The following GRID2 variants were observed in gnomAD, a reference collection of about 807,000 sequenced individuals.
GRID2 encodes the protein glutamate receptor ionotropic, delta-2.
GRID2 carries 33 observed loss-of-function variants against 114.8 expected under a neutral mutation model. The ratio of observed to expected loss-of-function variants is 0.29; its 90% CI spans 0.22 to 0.38. GRID2 has a LOEUF of 0.38. Ranked by LOEUF, GRID2 falls within the 10% of genes least tolerant of loss-of-function variation. The pLI, the probability that GRID2 is intolerant of heterozygous loss-of-function variation, is 1.00. For missense variants in GRID2, 1,184 were observed against 1,257.7 expected, an observed-to-expected ratio of 0.94 and a Z score of 0.89; for synonymous variants, 505 against 449.9, an observed-to-expected ratio of 1.12 and a Z score of -1.55.
At chr4:92,630,312 C>T (rs1730740700) in intron 2 of GRID2, among the ~76,000 whole-genome samples, 3 of 152,100 alleles carry the variant, frequency 2.0e-5, no homozygotes, top group South Asian at 2.1e-4. Flanking sequence ...TTCTGTGTTG[C>T]ACATATAATG....
chr4:92,528,083 T>C (rs1725131990), intron 1 of GRID2, among the ~76,000 whole-genome samples: 1 of 152,020 alleles, frequency 6.6e-6, no homozygotes, highest in Non-Finnish European at 1.5e-5. Flanking sequence ...TGGCCTTTTC[T>C]GGTAAGTTAG....
chr4:92,616,201 G>T (rs538495994), intron 2 of GRID2, among the ~76,000 whole-genome samples: 153 of 151,586 alleles, frequency 1.0e-3, no homozygotes, highest in Admixed American at 2.1e-3. Flanking sequence ...TTAAAATGTG[G>T]TAATATTGTG....
At chr4:93,712,044 A>G (rs1438768376) in intron 14 of GRID2, among the ~76,000 whole-genome samples, 1 of 151,904 alleles carries the variant, frequency 6.6e-6, no homozygotes, top group Non-Finnish European at 1.5e-5. Flanking sequence ...TAGGGATAAG[A>G]TTCCTTTGTT....
In GRID2 at chr4:92,699,512, T is replaced by C. The variant is rs75001978; in HGVS notation, c.244+109226T>C. On this transcript the variant is annotated intron_variant, in intron 2 of 15. Coordinates refer to ENST00000282020, the MANE Select transcript of GRID2 (RefSeq NM_001510.4). ...GAAAAATAGGACAGAGTAATGATCA[T>C]TAAATGGCAGATATTTCTCAAAGGG... Among the ~76,000 whole-genome samples, 678 of 152,298 alleles carry C rather than the reference T, an allele frequency of 4.5e-3. 22 individuals carry two copies. In the East Asian group the frequency reaches 0.072, roughly 16 times the overall value.
intron 4 of GRID2, among the ~76,000 whole-genome samples, chr4:93,156,297 G>A (rs1045100521): frequency 1.3e-5 from 2 of 151,756 alleles, no homozygotes; most frequent in African/African-American, 4.8e-5. Flanking sequence ...TAAAGATATG[G>A]ACTTTGTGTT....
At chr4:93,248,391 G>T (rs1335209343) in intron 8 of GRID2, among the ~76,000 whole-genome samples, 1 of 152,112 alleles carries the variant, frequency 6.6e-6, no homozygotes, top group East Asian at 1.9e-4. Context: ...GACAGTGATA[G>T]GAGAGACTCA....
At chr4:93,146,504 G>T (rs1054434784) in intron 4 of GRID2, among the ~76,000 whole-genome samples, 1 of 151,992 alleles carries the variant, frequency 6.6e-6, no homozygotes, top group South Asian at 2.1e-4. Context: ...TGGAATTTAC[G>T]TTCAAATTCA....
At chr4:93,209,943 G>C (rs1397012749) in intron 5 of GRID2, among the ~76,000 whole-genome samples, 1 of 151,890 alleles carries the variant, frequency 6.6e-6, no homozygotes, top group African/African-American at 2.4e-5. Flanking sequence ...CTTTTAAATG[G>C]GGTTGTTTGG....
At chr4:93,450,554 G>C (rs1051221160) in intron 10 of GRID2, among the ~76,000 whole-genome samples, 5 of 151,594 alleles carry the variant, frequency 3.3e-5, no homozygotes, top group African/African-American at 4.8e-5. Flanking sequence ...ATTAAATTTA[G>C]AGTAAATGTA....
chr4:92,549,322 G>C (rs1358374826), intron 1 of GRID2, among the ~76,000 whole-genome samples: 1 of 152,084 alleles, frequency 6.6e-6, no homozygotes. Flanking sequence ...TGTGATCTGA[G>C]ATATGGTTAC....
At chr4:93,048,657 A>T (rs1404557403) in intron 2 of GRID2, among the ~76,000 whole-genome samples, 1 of 152,080 alleles carries the variant, frequency 6.6e-6, no homozygotes, top group East Asian at 1.9e-4. Context: ...TAAAATTTTC[A>T]TCTGGATAGG....
At position 92,907,036 on chromosome 4, in the gene GRID2, C is replaced by T. The variant is rs539907796; in HGVS notation, c.245-177959C>T. Among the ~76,000 whole-genome samples, 216 of 152,186 alleles carry T rather than the reference C, an allele frequency of 1.4e-3. 2 individuals are homozygous for T. The highest frequency in any genetic ancestry group is 7.2e-4 in the Non-Finnish European group (49 of 67,990). On this transcript the variant is annotated intron_variant, in intron 2 of 15. Transcript: ENST00000282020. ...TTTAAGTACTGTATGTAGCACACTT[C>T]TTCTTGTTTGCTCCATAAGAATACA...
intron 8 of GRID2, among the ~76,000 whole-genome samples, chr4:93,365,012 T>G (rs532174367): frequency 1.3e-5 from 2 of 152,310 alleles, no homozygotes; most frequent in African/African-American, 4.8e-5. Context: ...TCTTTTCTCA[T>G]ATTATCTCAT....
chr4:93,620,290 A>T (rs17356703), intron 13 of GRID2, among the ~76,000 whole-genome samples: 13,898 of 152,198 alleles, frequency 0.091, 830 homozygotes, highest in Non-Finnish European at 0.13. Flanking sequence ...GTTCCCACTG[A>T]ATGTTTTTTA....
At chr4:92,881,746 A>T (rs1169264924) in intron 2 of GRID2, among the ~76,000 whole-genome samples, 1 of 152,186 alleles carries the variant, frequency 6.6e-6, no homozygotes. Flanking sequence ...ATGTTGAGAA[A>T]AATATTGTCT....
chr4:93,080,176 A>G (rs2149316570), intron 2 of GRID2, among the ~76,000 whole-genome samples: 2 of 152,266 alleles, frequency 1.3e-5, no homozygotes, highest in South Asian at 4.1e-4. Flanking sequence ...GTGTTACTGT[A>G]TTCCTAGAAG....
intron 3 of GRID2, among the ~76,000 whole-genome samples, chr4:93,096,618 GA>G (rs1731249628): frequency 6.6e-6 from 1 of 151,922 alleles, no homozygotes; most frequent in Non-Finnish European, 1.5e-5. Context: ...TTAGTCCACA[GA>G]AAAATGCAAA....
chr4:93,188,858 C>A (rs555493807), intron 4 of GRID2, among the ~76,000 whole-genome samples: 18 of 152,124 alleles, frequency 1.2e-4, no homozygotes, highest in Non-Finnish European at 2.2e-4. Context: ...CACTTAATAA[C>A]AAGAATCACC....
At chr4:92,502,630 T>C (rs1723740559) in intron 1 of GRID2, among the ~76,000 whole-genome samples, 1 of 151,760 alleles carries the variant, frequency 6.6e-6, no homozygotes, top group African/African-American at 2.4e-5. Flanking sequence ...CACCCAGAGT[T>C]CTTGGAAATA....
Sources: gnomAD v4.1 joint callset for allele counts (sites outside exome capture counted in the v4.1 genomes callset) on GRCh38, gnomAD v4.1.1 for gene constraint, MANE v1.5 for transcripts, NCBI Gene and HGNC (gene_info 2026-07-23, HGNC 2026-07-21) for gene names.